The following TMEM200A variants were observed in gnomAD, a reference collection of about 807,000 sequenced individuals.
The protein encoded by TMEM200A is transmembrane protein 200A.
Under a neutral mutation model 24.3 loss-of-function variants are expected in TMEM200A, and 12 were observed. The observed-to-expected ratio is 0.49, with a 90% confidence interval of 0.32 to 0.80. The LOEUF is 0.80. Among genes scored for constraint, TMEM200A ranks in the 30% least tolerant of loss-of-function variants. TMEM200A has a pLI of 0.04. For missense variants in TMEM200A, 545 were observed against 614.4 expected, an observed-to-expected ratio of 0.89 and a Z score of 1.19; for synonymous variants, 224 against 224.4, an observed-to-expected ratio of 1.00 and a Z score of 0.02.
chr6:130,367,888 C>G (rs1778224012), intron 1 of TMEM200A, among the ~76,000 whole-genome samples: 1 of 151,978 alleles, frequency 6.6e-6, no homozygotes, highest in South Asian at 2.1e-4. Context: ...TAATTTGTAA[C>G]CCTGGTTATA....
chr6:130,381,259 A>G (rs1414434243), intron 1 of TMEM200A, among the ~76,000 whole-genome samples: 1 of 152,194 alleles, frequency 6.6e-6, no homozygotes, highest in Non-Finnish European at 1.5e-5. Flanking sequence ...CTGTCCTGGC[A>G]TCTGTGTCTG....
chr6:130,395,771 A>G (rs1778938735), intron 2 of TMEM200A, among the ~76,000 whole-genome samples: 3 of 152,246 alleles, frequency 2.0e-5, no homozygotes, highest in African/African-American at 7.2e-5. Flanking sequence ...CCAAGAAGAT[A>G]ATTCAAGGTG....
chr6:130,425,879 G>C (rs779740608), intron 2 of TMEM200A, among the ~76,000 whole-genome samples: 5 of 152,158 alleles, frequency 3.3e-5, no homozygotes, highest in Non-Finnish European at 5.9e-5. Flanking sequence ...CTAAAAAATA[G>C]TGTGTTACAG....
At chr6:130,437,752 TA>T (rs1780056431) in intron 2 of TMEM200A, 1 of 152,214 alleles carries the variant, frequency 6.6e-6, no homozygotes, top group Non-Finnish European at 1.5e-5. Flanking sequence ...TTTTTCTTCC[TA>T]ACGTTTCTTT....
At chr6:130,381,116 G>C (rs456454) in intron 1 of TMEM200A, among the ~76,000 whole-genome samples, 2 of 152,310 alleles carry the variant, frequency 1.3e-5, no homozygotes, top group East Asian at 1.9e-4. Flanking sequence ...AACTCTCCTA[G>C]ACTTTGAGTC....
chr6:130,368,904 G>A (rs1046716429), intron 1 of TMEM200A, among the ~76,000 whole-genome samples: 2 of 152,170 alleles, frequency 1.3e-5, no homozygotes, highest in Non-Finnish European at 2.9e-5. Flanking sequence ...GCCCTTATCT[G>A]CAGAATGAGG....
intron 2 of TMEM200A, among the ~76,000 whole-genome samples, chr6:130,434,286 G>C (rs966928162): frequency 1.3e-5 from 2 of 152,144 alleles, no homozygotes; most frequent in Admixed American, 6.5e-5. Flanking sequence ...CACTGGACTG[G>C]GAGTCTGAAA....
chr6:130,368,011 G>C (rs1778225992), intron 1 of TMEM200A, among the ~76,000 whole-genome samples: 1 of 152,230 alleles, frequency 6.6e-6, no homozygotes, highest in African/African-American at 2.4e-5. Context: ...CTTTGAGGCA[G>C]GTCTAGGTAA....
At chr6:130,419,007 C>A (rs1463913140) in intron 2 of TMEM200A, among the ~76,000 whole-genome samples, 1 of 152,044 alleles carries the variant, frequency 6.6e-6, no homozygotes, top group Admixed American at 6.6e-5. Flanking sequence ...AACATGAGAA[C>A]TTATTTCTTC....
At chr6:130,439,792 G>A (rs1009448831) in intron 2 of TMEM200A, among the ~76,000 whole-genome samples, 6 of 151,900 alleles carry the variant, frequency 3.9e-5, no homozygotes, top group Non-Finnish European at 8.8e-5. Flanking sequence ...GAGAAAGGAG[G>A]GGCAGTAATA....
At chr6:130,397,630 G>T (rs1778982109) in intron 2 of TMEM200A, among the ~76,000 whole-genome samples, 1 of 150,384 alleles carries the variant, frequency 6.6e-6, no homozygotes, top group Admixed American at 6.6e-5. Flanking sequence ...GGTTTTTTTT[G>T]AAATCCAATC....
intron 2 of TMEM200A, chr6:130,437,865 T>C (rs941924646): frequency 6.6e-6 from 1 of 152,172 alleles, no homozygotes; most frequent in Admixed American, 6.6e-5. Context: ...TCCTTTCCTC[T>C]ATCAATCAGC....
At chr6:130,368,532 G>A (rs1778237237) in intron 1 of TMEM200A, among the ~76,000 whole-genome samples, 1 of 152,140 alleles carries the variant, frequency 6.6e-6, no homozygotes, top group African/African-American at 2.4e-5. Flanking sequence ...ATGTATATCT[G>A]ATTTACAGTT....
chr6:130,436,896 A>G (rs554496535), intron 2 of TMEM200A, among the ~76,000 whole-genome samples: 1 of 152,040 alleles, frequency 6.6e-6, no homozygotes, highest in African/African-American at 2.4e-5. Flanking sequence ...AAGTGACACT[A>G]AAGCCTTGGC....
At chr6:130,429,319 C>T (rs958435568) in intron 2 of TMEM200A, among the ~76,000 whole-genome samples, 8 of 151,974 alleles carry the variant, frequency 5.3e-5, no homozygotes, top group Middle Eastern at 3.2e-3. Context: ...GTCAGGAGTT[C>T]GAGATCAGCC....
intron 2 of TMEM200A, among the ~76,000 whole-genome samples, chr6:130,436,662 T>TTTTTTTTTTTTTTTTTTTTC (rs1408022765): frequency 7.8e-6 from 1 of 128,278 alleles, no homozygotes; most frequent in East Asian, 2.3e-4. Flanking sequence ...TTTTTTTTTT[T>TTTTTTTTTTTTTTTTTTTTC]CAGAGAGACA....
In TMEM200A at chr6:130,430,085, A is replaced by G. The variant is rs1377638673; in HGVS notation, c.-16-10322A>G. ...CTGGCTGCTATAACAAAAATATCAT[A>G]GACTACATGGCTTATAAACAACAGA... On this transcript the variant is annotated intron_variant, in intron 2 of 2. Transcript: ENST00000296978. Among the ~76,000 whole-genome samples the G allele has an allele frequency of 3.3e-5, 5 of 152,118 alleles. No individual in the cohort carries two copies. In the East Asian group the frequency reaches 7.7e-4, roughly 23 times the overall value.
intron 2 of TMEM200A, among the ~76,000 whole-genome samples, chr6:130,434,636 A>C (rs1158164848): frequency 3.3e-5 from 5 of 152,212 alleles, no homozygotes; most frequent in African/African-American, 1.2e-4. Context: ...AAGGCTTTTA[A>C]GATTAGTATG....
chr6:130,440,370 T>C (rs1780126593), intron 2 of TMEM200A, 37 bp from the exon 3 acceptor site: 9 of 1,498,588 alleles, frequency 6.0e-6, no homozygotes, highest in African/African-American at 2.8e-5. Context: ...CAGGAACATA[T>C]TTACATCATC....
Sources: gnomAD v4.1 joint callset for allele counts (sites outside exome capture counted in the v4.1 genomes callset) on GRCh38, gnomAD v4.1.1 for gene constraint, MANE v1.5 for transcripts, NCBI Gene and HGNC (gene_info 2026-07-23, HGNC 2026-07-21) for gene names.